The following NAALADL2 variants were observed in gnomAD, a reference collection of about 807,000 sequenced individuals.
NAALADL2 encodes the protein N-acetylated alpha-linked acidic dipeptidase like 2, also known as inactive N-acetylated-alpha-linked acidic dipeptidase-like protein 2.
A neutral mutation model predicts 87.2 loss-of-function variants in NAALADL2; 76 were observed. That is an observed-to-expected ratio of 0.87 (90% CI 0.72 to 1.05). The LOEUF (loss-of-function observed/expected upper bound fraction) is 1.05, where lower values mean the gene tolerates loss of function less well. Among genes scored for constraint, NAALADL2 ranks in the 50% least tolerant of loss-of-function variants. The pLI is 0.00. For missense variants in NAALADL2, 1,089 were observed against 945.8 expected (o/e 1.15, Z -1.99); for synonymous variants, 354 against 331.0 (o/e 1.07, Z -0.75).
At chr3:174,939,784 A>T (rs1198749651) in intron 1 of NAALADL2, among the ~76,000 whole-genome samples, 1 of 151,710 alleles carries the variant, frequency 6.6e-6, no homozygotes, top group Non-Finnish European at 1.5e-5. Flanking sequence ...AATGAGATTA[A>T]CTTTCTGATT....
At chr3:175,523,132 T>G (rs1732895417) in intron 9 of NAALADL2, among the ~76,000 whole-genome samples, 1 of 152,174 alleles carries the variant, frequency 6.6e-6, no homozygotes, top group South Asian at 2.1e-4. Flanking sequence ...GTAGTGAAAA[T>G]TAATTCTCTA....
At chr3:175,590,228 A>ACCAAT (rs1215840814) in intron 10 of NAALADL2, among the ~76,000 whole-genome samples, 4 of 912 alleles carry the variant, frequency 4.4e-3, no homozygotes, top group Non-Finnish European at 9.3e-3. Flanking sequence ...ATATATATAT[A>ACCAAT]TATATATATA....
chr3:174,976,785 C>T (rs776378142), intron 1 of NAALADL2, among the ~76,000 whole-genome samples: 2 of 152,174 alleles, frequency 1.3e-5, no homozygotes, highest in Admixed American at 6.5e-5. Context: ...GATACTGAAA[C>T]ATTTTAATTT....
At chr3:174,463,424 G>T (rs1716329044) in intron 1 of NAALADL2, among the ~76,000 whole-genome samples, 1 of 152,040 alleles carries the variant, frequency 6.6e-6, no homozygotes, top group African/African-American at 2.4e-5. Flanking sequence ...CAAGTTGAAG[G>T]GTTGTTAGAT....
At chr3:175,146,386 T>G (rs1267151732) in intron 2 of NAALADL2, among the ~76,000 whole-genome samples, 1 of 152,170 alleles carries the variant, frequency 6.6e-6, no homozygotes, top group African/African-American at 2.4e-5. Flanking sequence ...GAAAAATGAG[T>G]AAATATCAGT....
At chr3:174,579,166 A>G (rs1715881038) in intron 2 of NAALADL2, among the ~76,000 whole-genome samples, 1 of 151,968 alleles carries the variant, frequency 6.6e-6, no homozygotes, top group African/African-American at 2.4e-5. Context: ...TTTTCTTATA[A>G]AGTTAAACAA....
At chr3:175,277,217 T>C (rs1204950218) in intron 4 of NAALADL2, among the ~76,000 whole-genome samples, 2 of 152,180 alleles carry the variant, frequency 1.3e-5, no homozygotes, top group Non-Finnish European at 2.9e-5. Flanking sequence ...GTTATGATAC[T>C]AGAAAAACTT....
intron 2 of NAALADL2, among the ~76,000 whole-genome samples, chr3:174,627,904 C>G (rs1460460282): frequency 6.6e-6 from 1 of 152,082 alleles, no homozygotes; most frequent in Admixed American, 6.5e-5. Context: ...TACAGCCACA[C>G]AGAGTGGAAT....
chr3:174,716,593 A>G (rs1007424716), intron 2 of NAALADL2, among the ~76,000 whole-genome samples: 4 of 152,030 alleles, frequency 2.6e-5, no homozygotes, highest in Admixed American at 2.6e-4. Flanking sequence ...CATTAATAGA[A>G]TTATTTTCCA....
intron 1 of NAALADL2, among the ~76,000 whole-genome samples, chr3:175,018,154 A>G (rs1292593978): frequency 2.0e-5 from 3 of 152,108 alleles, no homozygotes; most frequent in Non-Finnish European, 4.4e-5. Context: ...CATTTGCAGT[A>G]AAGATGTACA....
intron 3 of NAALADL2, among the ~76,000 whole-genome samples, chr3:174,778,610 T>C (rs1432676818): frequency 6.6e-6 from 1 of 152,072 alleles, no homozygotes; most frequent in Non-Finnish European, 1.5e-5. Flanking sequence ...GTATGTCTCC[T>C]AATGCTATCC....
chr3:175,057,200 G>A (rs1712392765), intron 1 of NAALADL2, among the ~76,000 whole-genome samples: 1 of 152,090 alleles, frequency 6.6e-6, no homozygotes, highest in South Asian at 2.1e-4. Context: ...GGAAAAAATA[G>A]ACAGAAAAAT....
intron 5 of NAALADL2, among the ~76,000 whole-genome samples, chr3:175,358,250 A>G (rs535174363): frequency 6.6e-5 from 10 of 152,232 alleles, no homozygotes; most frequent in African/African-American, 2.2e-4. Context: ...TTGACATGCA[A>G]TCATTTTCTT....
At chr3:175,402,156 T>C (rs1205296406) in intron 5 of NAALADL2, among the ~76,000 whole-genome samples, 1 of 152,048 alleles carries the variant, frequency 6.6e-6, no homozygotes, top group Non-Finnish European at 1.5e-5. Flanking sequence ...GGTATGTGTA[T>C]TATGGGGCAC....
intron 13 of NAALADL2, among the ~76,000 whole-genome samples, chr3:175,763,207 A>T (rs1748269053): frequency 6.6e-6 from 1 of 151,984 alleles, no homozygotes; most frequent in Non-Finnish European, 1.5e-5. Flanking sequence ...CTCTCTAATC[A>T]CTTTCTTTAG....
chr3:175,089,281 G>T (rs147719047), intron 1 of NAALADL2, among the ~76,000 whole-genome samples: 2 of 152,138 alleles, frequency 1.3e-5, no homozygotes, highest in Non-Finnish European at 2.9e-5. Context: ...GGTGCTTAGT[G>T]TCACTTTGGT....
rs150270806 is a variant in NAALADL2 at position 175,503,750 on chromosome 3, T to C, written c.1653+31992T>C. On this transcript the variant is annotated intron_variant, in intron 9 of 13. Transcript: ENST00000454872. ...TTCTTTTGAAAAGTGTCTGTTCATG[T>C]CCTTTGCCCACTTTTTCATGGGGTT... 8.3e-4 allele frequency among the ~76,000 whole-genome samples: 126 copies of C among 152,332 alleles called. 2 individuals are homozygous for C. The East Asian group carries it at 0.021, about 26-fold the overall frequency.
intron 3 of NAALADL2, among the ~76,000 whole-genome samples, chr3:175,240,619 C>G (rs1746678029): frequency 6.6e-6 from 1 of 152,138 alleles, no homozygotes; most frequent in Non-Finnish European, 1.5e-5. Context: ...TACTGTCTCA[C>G]CAACACAGAA....
chr3:175,094,756 T>TGTGTGTG (rs747838814), intron 1 of NAALADL2, among the ~76,000 whole-genome samples: 2,040 of 129,858 alleles, frequency 0.016, 8 homozygotes, highest in Non-Finnish European at 0.02. Context: ...CCAGACACTA[T>TGTGTGTG]AGTGTGTGTG....
Sources: gnomAD v4.1 joint callset for allele counts (sites outside exome capture counted in the v4.1 genomes callset) on GRCh38, gnomAD v4.1.1 for gene constraint, MANE v1.5 for transcripts, NCBI Gene and HGNC (gene_info 2026-07-23, HGNC 2026-07-21) for gene names.